Variants in SLIT2 observed in about 807,000 individuals in gnomAD.
SLIT2 encodes the protein slit homolog 2 protein.
SLIT2 carries 41 observed loss-of-function variants against 185.7 expected under a neutral mutation model. The observed-to-expected ratio is 0.22, with a 90% CI of 0.17 to 0.29. The LOEUF is 0.29. Ranked by LOEUF, SLIT2 falls within the 10% of genes least tolerant of loss-of-function variation. SLIT2 has a pLI of 1.00. For synonymous variants in SLIT2, 693 were observed against 680.2 expected, an observed-to-expected ratio of 1.02 and a Z score of -0.29; for missense variants, 1,571 against 1,909.0, an observed-to-expected ratio of 0.82 and a Z score of 3.30.
At chr4:20,530,974 A>C (rs1479778972) in intron 16 of SLIT2, among the ~76,000 whole-genome samples, 1 of 151,748 alleles carries the variant, frequency 6.6e-6, no homozygotes. Context: ...AAAAAAAAAA[A>C]ACAAAAACAA....
In SLIT2 at chr4:20,257,893, A is replaced by G. The variant is rs774689333; in HGVS notation, c.277A>G (p.Thr93Ala). 1.9e-6 allele frequency: 3 copies of G among 1,574,750 alleles called. No homozygotes were observed. The highest frequency in any genetic ancestry group is 2.7e-5 in the African/African-American group (2 of 73,954). Residue 93 changes from threonine (T) to alanine (A), a missense_variant, in exon 3 of 37, where the codon ACC becomes GCC. Coordinates refer to ENST00000504154, the MANE Select transcript of SLIT2 (RefSeq NM_004787.4). ...TCAGCTTATGGAGAATAAGATTAGC[A>G]CCATTGAAAGAGGAGCATTCCAGGA... ...VLQLMENKISTIERGAFQDLK... is the reference protein window; with the variant it reads ...VLQLMENKISAIERGAFQDLK...
intron 4 of SLIT2, among the ~76,000 whole-genome samples, chr4:20,347,058 C>G (rs1357660159): frequency 6.6e-6 from 1 of 152,212 alleles, no homozygotes; most frequent in Non-Finnish European, 1.5e-5. Flanking sequence ...GAAGTTGACA[C>G]TCCGTATTAA....
intron 4 of SLIT2, among the ~76,000 whole-genome samples, chr4:20,429,749 TGGAAAATCC>T (rs1728827280): frequency 6.6e-6 from 1 of 152,004 alleles, no homozygotes; most frequent in Non-Finnish European, 1.5e-5. Flanking sequence ...AATCAGGAAA[TGGAAAATCC>T]CTGTGCCATA....
intron 4 of SLIT2, among the ~76,000 whole-genome samples, chr4:20,383,443 TACAA>T (rs1724689326): frequency 6.6e-6 from 1 of 152,126 alleles, no homozygotes; most frequent in Non-Finnish European, 1.5e-5. Flanking sequence ...CCAAAGGGGA[TACAA>T]ACAAACACCT....
chr4:20,467,853 T>C, intron 5 of SLIT2, 30 bp downstream of exon 5: 1 of 1,113,628 alleles, frequency 9.0e-7, no homozygotes, highest in Non-Finnish European at 1.3e-6. Context: ...TTTATAGTGT[T>C]TTAAGTCATT....
intron 3 of SLIT2, among the ~76,000 whole-genome samples, chr4:20,267,879 T>TA (rs563944105): frequency 1.5e-3 from 229 of 152,062 alleles, no homozygotes; most frequent in Non-Finnish European, 2.3e-3. Flanking sequence ...TACTATATAA[T>TA]ATGCCTCTAC....
chr4:20,483,490 T>G (rs990735067), intron 6 of SLIT2, among the ~76,000 whole-genome samples: 12 of 152,108 alleles, frequency 7.9e-5, no homozygotes, highest in African/African-American at 2.9e-4. Flanking sequence ...TTTTCCCTTC[T>G]TTGGACACTG....
intron 33 of SLIT2, among the ~76,000 whole-genome samples, chr4:20,600,540 G>A (rs189185754): frequency 4.0e-5 from 6 of 148,768 alleles, no homozygotes; most frequent in African/African-American, 1.5e-4. Context: ...CTCCTGCCTC[G>A]GCCTCCCAAG....
chr4:20,568,785 T>C lies in SLIT2; in HGVS notation c.2949-80T>C, dbSNP rs1725313864. Reference sequence around the variant, plus strand: ...GCTCTATGGTTGATGAGTGTAATTATGCTTTTTTCAATATTTAGACCACAT... The same window carrying C: ...GCTCTATGGTTGATGAGTGTAATTACGCTTTTTTCAATATTTAGACCACAT... On this transcript the variant is annotated intron_variant, in intron 28 of 36. Coordinates refer to ENST00000504154, the MANE Select transcript of SLIT2 (RefSeq NM_004787.4). 12 of 1,305,810 alleles carry C rather than the reference T, an allele frequency of 9.2e-6. No individual in the cohort carries two copies. In the East Asian group the frequency reaches 2.8e-4, roughly 30 times the overall value. 80.9% of individuals were successfully genotyped at this position (1,305,810 alleles called of 1,614,324 possible).
chr4:20,565,949 G>A (rs778007943), intron 26 of SLIT2, among the ~76,000 whole-genome samples: 14 of 151,910 alleles, frequency 9.2e-5, no homozygotes, highest in Admixed American at 3.9e-4. Flanking sequence ...CCAGGGTAAA[G>A]GATATGAAGA....
At chr4:20,563,931 T>G (rs1305362398) in intron 26 of SLIT2, among the ~76,000 whole-genome samples, 1 of 151,784 alleles carries the variant, frequency 6.6e-6, no homozygotes, top group Non-Finnish European at 1.5e-5. Context: ...ACTTAAGTAG[T>G]AAATCTGGGT....
In SLIT2 at chr4:20,480,458, C is replaced by T. The variant is rs556980749; in HGVS notation, c.468-258C>T. Among the ~76,000 whole-genome samples the T allele has an allele frequency of 6.6e-5, 10 of 152,232 alleles. No individual in the cohort carries two copies. In the East Asian group the frequency reaches 1.7e-3, roughly 26 times the overall value. ...ATCTAATGAAATTGCATTCCTATGG[C>T]ATTTAATATAAGGTGCAGTTATTAT... On this transcript the variant is annotated intron_variant, in intron 5 of 36. Transcript: ENST00000504154.
chr4:20,391,961 C>T (rs1426656992), intron 4 of SLIT2, among the ~76,000 whole-genome samples: 2 of 152,066 alleles, frequency 1.3e-5, no homozygotes, highest in South Asian at 2.1e-4. Context: ...TACCAGAGAT[C>T]ACTCATCAGT....
chr4:20,331,574 T>C (rs953018089), intron 4 of SLIT2, among the ~76,000 whole-genome samples: 2 of 152,146 alleles, frequency 1.3e-5, no homozygotes, highest in Non-Finnish European at 2.9e-5. Flanking sequence ...ATGAGTTTGC[T>C]CACTAATATT....
chr4:20,336,369 A>G (rs1297677759), intron 4 of SLIT2, among the ~76,000 whole-genome samples: 2 of 152,196 alleles, frequency 1.3e-5, no homozygotes, highest in Non-Finnish European at 2.9e-5. Flanking sequence ...GGATGAGTTC[A>G]TGTCCTTTGT....
At chr4:20,366,709 T>G (rs1262145244) in intron 4 of SLIT2, among the ~76,000 whole-genome samples, 1 of 152,180 alleles carries the variant, frequency 6.6e-6, no homozygotes, top group Non-Finnish European at 1.5e-5. Flanking sequence ...TGAGTTGACC[T>G]ATAAGCAAAA....
At chr4:20,358,792 G>A (rs774167617) in intron 4 of SLIT2, among the ~76,000 whole-genome samples, 6 of 152,058 alleles carry the variant, frequency 3.9e-5, no homozygotes, top group Non-Finnish European at 7.4e-5. Flanking sequence ...ATTTCTGATA[G>A]CATATACAGC....
chr4:20,417,045 G>A (rs571012677), intron 4 of SLIT2, among the ~76,000 whole-genome samples: 51 of 150,458 alleles, frequency 3.4e-4, no homozygotes, highest in African/African-American at 1.2e-3. Flanking sequence ...GCCTTGACTT[G>A]AAATGTGAGC....
intron 9 of SLIT2, among the ~76,000 whole-genome samples, chr4:20,499,520 C>T (rs777558388): frequency 6.6e-6 from 1 of 152,076 alleles, no homozygotes; most frequent in Non-Finnish European, 1.5e-5. Context: ...GACAGAGTCT[C>T]GCTCTGTCAT....
Sources: gnomAD v4.1 joint callset for allele counts (sites outside exome capture counted in the v4.1 genomes callset) on GRCh38, gnomAD v4.1.1 for gene constraint, MANE v1.5 for transcripts, NCBI Gene and HGNC (gene_info 2026-07-23, HGNC 2026-07-21) for gene names.